CDH11: variants seen among roughly 807,000 people sequenced by gnomAD.
CDH11 encodes the protein cadherin-11.
In CDH11, 11 loss-of-function variants were observed where a neutral mutation model predicts 67.8. That is an observed-to-expected ratio of 0.16 (90% CI 0.10 to 0.27). CDH11 has a LOEUF of 0.27. Ranked by LOEUF, CDH11 falls within the 10% of genes least tolerant of loss-of-function variation. CDH11 has a pLI of 1.00. For synonymous variants in CDH11, 419 were observed against 400.0 expected, an observed-to-expected ratio of 1.05 and a Z score of -0.57; for missense variants, 847 against 1,031.2, an observed-to-expected ratio of 0.82 and a Z score of 2.45.
chr16:65,082,431 C>G (rs911949022), intron 1 of CDH11, among the ~76,000 whole-genome samples: 1 of 152,114 alleles, frequency 6.6e-6, no homozygotes, highest in East Asian at 1.9e-4. Flanking sequence ...CAAACCACAC[C>G]GCCAACCAGT....
Position 65,121,927 on chromosome 16 carries a change from C to A in CDH11, c.-345G>T, listed in dbSNP as rs1380464594. 1.4e-5 allele frequency: 10 copies of A among 701,814 alleles called. No homozygotes were observed. Among genetic ancestry groups the A allele is most frequent in the East Asian group, 1.3e-4 (5 of 37,200 alleles). The allele number at this position is 701,814 out of a possible 1,614,324, so 43.5% of individuals were successfully genotyped here. Reference sequence around the variant, plus strand: ...CAACCTCCGAGCCGCCAGTCCCTGGCGCAGGGCAAGCGCTGCGGTGTCAGT... The same window carrying A: ...CAACCTCCGAGCCGCCAGTCCCTGGAGCAGGGCAAGCGCTGCGGTGTCAGT... On this transcript the variant is annotated 5_prime_UTR_variant, in exon 1 of 13. Transcript: ENST00000268603. The surrounding 1 kb of genome is among the most constrained non-coding windows in gnomAD (Gnocchi z 4.1).
intron 12 of CDH11, among the ~76,000 whole-genome samples, chr16:64,949,677 C>T (rs891914449): frequency 1.3e-5 from 2 of 152,090 alleles, no homozygotes; most frequent in Non-Finnish European, 2.9e-5. Flanking sequence ...CAGCCTGCCT[C>T]CGCCTCCCAA....
chr16:65,022,765 G>A (rs148469654), intron 2 of CDH11, among the ~76,000 whole-genome samples: 36 of 152,204 alleles, frequency 2.4e-4, no homozygotes, highest in African/African-American at 8.7e-4. Flanking sequence ...AATATCAAAT[G>A]CTGAAAAAAA....
intron 1 of CDH11, among the ~76,000 whole-genome samples, chr16:65,060,224 C>G (rs1376809601): frequency 6.6e-6 from 1 of 152,040 alleles, no homozygotes; most frequent in Non-Finnish European, 1.5e-5. Flanking sequence ...CTAGATTTCC[C>G]TTGCTCCAAA....
rs879943405 is a variant in CDH11 at position 65,041,353 on chromosome 16, T to C, written c.-173+12451A>G. Among the ~76,000 whole-genome samples the C allele has an allele frequency of 2.0e-5, 3 of 151,746 alleles. No homozygotes were observed. The Admixed American group carries it at 2.0e-4, about 10-fold the overall frequency. ...GTCATCTGTCTGCTACTCTGAATTC[T>C]GGTGCTTCCACAAGCTGTGAAGAAT... On this transcript the variant is annotated intron_variant, in intron 2 of 12. Transcript: ENST00000268603.
At chr16:65,028,737 A>G (rs1020045730) in intron 2 of CDH11, among the ~76,000 whole-genome samples, 2 of 152,132 alleles carry the variant, frequency 1.3e-5, no homozygotes, top group African/African-American at 4.8e-5. Context: ...CCAACCCTCC[A>G]TGCTTGGGTA....
chr16:65,005,270 T>C (rs2073025727), intron 2 of CDH11, among the ~76,000 whole-genome samples: 1 of 152,194 alleles, frequency 6.6e-6, no homozygotes, highest in African/African-American at 2.4e-5. Flanking sequence ...TATAAGTCTC[T>C]TAGCACAATG....
intron 1 of CDH11, chr16:65,094,980 A>G (rs2074863547): frequency 6.6e-6 from 1 of 152,192 alleles, no homozygotes; most frequent in Admixed American, 6.5e-5. Flanking sequence ...ATTAAGACAT[A>G]CATATCTCTA....
intron 2 of CDH11, among the ~76,000 whole-genome samples, chr16:65,026,155 A>G (rs904943226): frequency 2.0e-5 from 3 of 152,168 alleles, no homozygotes; most frequent in East Asian, 1.9e-4. Flanking sequence ...ATGGGTGGGC[A>G]TGCCTTTTAC....
At chr16:65,054,006 C>T (rs899457819) in intron 1 of CDH11, 78 bp from the exon 2 acceptor site, 20 of 420,226 alleles carry the variant, frequency 4.8e-5, no homozygotes, top group African/African-American at 3.9e-4. Flanking sequence ...AACACAGTTG[C>T]ATATGACAGA....
intron 1 of CDH11, among the ~76,000 whole-genome samples, chr16:65,100,695 G>A (rs1053494701): frequency 2.7e-5 from 4 of 147,600 alleles, no homozygotes; most frequent in Admixed American, 2.1e-4. Flanking sequence ...CTGAGATCGC[G>A]CCACTGCACT....
At chr16:65,109,148 A>G (rs1044085240) in intron 1 of CDH11, among the ~76,000 whole-genome samples, 3 of 140,546 alleles carry the variant, frequency 2.1e-5, no homozygotes, top group Non-Finnish European at 4.9e-5. Context: ...CTCTGTTTCG[A>G]AAAAAAAAGA....
chr16:65,059,664 T>G (rs2074205183), intron 1 of CDH11: 1 of 152,242 alleles, frequency 6.6e-6, no homozygotes, highest in South Asian at 2.1e-4. Context: ...AGGCCCATTG[T>G]GCTGCCACCA....
At chr16:64,975,082 C>A (rs953604669) in intron 8 of CDH11, among the ~76,000 whole-genome samples, 1 of 152,152 alleles carries the variant, frequency 6.6e-6, no homozygotes, top group African/African-American at 2.4e-5. Context: ...TCCTGGGTAG[C>A]TGGGATTGTA....
Position 65,005,014 on chromosome 16 carries a change from C to T in CDH11, c.-145G>A. On this transcript the variant is annotated 5_prime_UTR_variant, in exon 3 of 13. The change abolishes the stop of an existing upstream ORF in the 5' untranslated region. Coordinates refer to ENST00000268603, the MANE Select transcript of CDH11 (RefSeq NM_001797.4). ...TCTCTGCTGGTTGAGCTCATCACGT[C>T]AGGGCTGCCCACGTCCCCAGTTAGC... The T allele has an allele frequency of 7.3e-7, 1 of 1,376,520 alleles. No homozygotes were observed. The highest frequency in any genetic ancestry group is 1.8e-5 in the South Asian group (1 of 57,082). The allele number at this position is 1,376,520 out of a possible 1,614,324, so 85.3% of individuals were successfully genotyped here. A position where few individuals can be genotyped will look rare whatever the true frequency, so the allele number is the denominator to read the frequency against.
chr16:65,041,761 A>G (rs2073872080), intron 2 of CDH11, among the ~76,000 whole-genome samples: 1 of 152,150 alleles, frequency 6.6e-6, no homozygotes, highest in South Asian at 2.1e-4. Context: ...GTCAGCCCCA[A>G]TTTTCCAGAG....
At chr16:64,975,872 A>T (rs1172692342) in intron 8 of CDH11, among the ~76,000 whole-genome samples, 1 of 152,212 alleles carries the variant, frequency 6.6e-6, no homozygotes, top group East Asian at 1.9e-4. Flanking sequence ...GAAATTATTT[A>T]AAAAATTAAA....
At chr16:65,079,656 C>A (rs2074576505) in intron 1 of CDH11, among the ~76,000 whole-genome samples, 1 of 152,186 alleles carries the variant, frequency 6.6e-6, no homozygotes, top group Non-Finnish European at 1.5e-5. Context: ...ATTCAGTTGA[C>A]CCCTCTGGAC....
chr16:65,052,872 T>C (rs1399323493), intron 2 of CDH11, among the ~76,000 whole-genome samples: 1 of 152,146 alleles, frequency 6.6e-6, no homozygotes, highest in African/African-American at 2.4e-5. Context: ...GATAGCCAAA[T>C]GATAGAATGA....
Sources: gnomAD v4.1 joint callset for allele counts (sites outside exome capture counted in the v4.1 genomes callset) on GRCh38, gnomAD v4.1.1 for gene constraint, Gnocchi (gnomAD v3.1) non-coding constraint, MANE v1.5 for transcripts, NCBI Gene and HGNC (gene_info 2026-07-23, HGNC 2026-07-21) for gene names.